PARD3: variants seen among roughly 807,000 people sequenced by gnomAD.
PARD3 encodes partitioning defective 3 homolog.
Under a neutral mutation model 155.4 loss-of-function variants are expected in PARD3, and 75 were observed. The observed-to-expected ratio is 0.48, with a 90% CI of 0.40 to 0.58. PARD3 has a LOEUF of 0.58. PARD3 is among the 20% of genes least tolerant of loss of function. The pLI is 0.00. For missense variants in PARD3, 1,642 were observed against 1,721.7 expected (o/e 0.95, Z 0.82); for synonymous variants, 576 against 610.5 (o/e 0.94, Z 0.83).
chr10:34,195,976 TTATGCAGTGCCTGGGGCACAGAATA>T (rs1351593058), intron 22 of PARD3, among the ~76,000 whole-genome samples: 4 of 152,244 alleles, frequency 2.6e-5, no homozygotes, highest in Non-Finnish European at 5.9e-5. Context: ...CGTAAAGGGC[TTATGCAGTGCCTGGGGCACAGAATA>T]TGCATTCAAG....
At chr10:34,539,849 C>A (rs1294305495) in intron 2 of PARD3, among the ~76,000 whole-genome samples, 2 of 152,226 alleles carry the variant, frequency 1.3e-5, no homozygotes, top group Non-Finnish European at 2.9e-5. Flanking sequence ...GGAGTGTGTA[C>A]ACCAAAGAAA....
At chr10:34,709,868 T>C (rs1186162771) in intron 1 of PARD3, among the ~76,000 whole-genome samples, 2 of 152,192 alleles carry the variant, frequency 1.3e-5, no homozygotes, top group Non-Finnish European at 2.9e-5. Flanking sequence ...TCAGCTACTA[T>C]TTGAGTTTTT....
At chr10:34,261,381 T>C (rs1294601134) in intron 22 of PARD3, among the ~76,000 whole-genome samples, 2 of 152,164 alleles carry the variant, frequency 1.3e-5, no homozygotes, top group African/African-American at 4.8e-5. Context: ...AAAGAAACTT[T>C]CTGGTGTCAA....
At chr10:34,338,107 CAG>C (rs1836392963) in intron 16 of PARD3, among the ~76,000 whole-genome samples, 1 of 152,202 alleles carries the variant, frequency 6.6e-6, no homozygotes, top group African/African-American at 2.4e-5. Flanking sequence ...AAGTCTGAAA[CAG>C]ATGCTGAGGA....
intron 5 of PARD3, among the ~76,000 whole-genome samples, chr10:34,436,208 G>A (rs772751236): frequency 6.6e-6 from 1 of 152,180 alleles, no homozygotes; most frequent in Non-Finnish European, 1.5e-5. Context: ...CTCTAACAGA[G>A]CAAGAAGAAC....
intron 2 of PARD3, among the ~76,000 whole-genome samples, chr10:34,678,476 A>G (rs2093753269): frequency 6.6e-6 from 1 of 152,236 alleles, no homozygotes; most frequent in African/African-American, 2.4e-5. Context: ...TTTGTTATAC[A>G]TAAAAATCAA....
intron 2 of PARD3, among the ~76,000 whole-genome samples, chr10:34,667,529 A>G (rs1382384086): frequency 6.6e-6 from 1 of 152,198 alleles, no homozygotes; most frequent in Non-Finnish European, 1.5e-5. Flanking sequence ...GAACCATAAA[A>G]ACACAATGGG....
intron 2 of PARD3, among the ~76,000 whole-genome samples, chr10:34,564,214 A>G (rs2085740767): frequency 6.6e-6 from 1 of 152,268 alleles, no homozygotes; most frequent in Admixed American, 6.5e-5. Context: ...CTCATAAAAT[A>G]TCAATTAACC....
At chr10:34,253,863 A>G (rs543084179) in intron 22 of PARD3, among the ~76,000 whole-genome samples, 1 of 152,314 alleles carries the variant, frequency 6.6e-6, no homozygotes, top group South Asian at 2.1e-4. Context: ...GTCACTCATA[A>G]GTGGGACCTT....
intron 1 of PARD3, among the ~76,000 whole-genome samples, chr10:34,777,099 C>G (rs1839683664): frequency 6.6e-6 from 1 of 151,210 alleles, no homozygotes; most frequent in Non-Finnish European, 1.5e-5. Context: ...GATCCACCCA[C>G]TTCGGCCTCC....
At chr10:34,242,268 A>T (rs1227007535) in intron 22 of PARD3, among the ~76,000 whole-genome samples, 1 of 152,156 alleles carries the variant, frequency 6.6e-6, no homozygotes, top group Non-Finnish European at 1.5e-5. Flanking sequence ...AATTGGTATG[A>T]TCATGCCTGT....
At position 34,708,275 on chromosome 10, in the gene PARD3, A is replaced by C. The variant is rs372227605; in HGVS notation, c.121-11856T>G. ...TGCACTGATCTTTAAAGGAAAAAAAAAAAAAAGTCCACTTCGTCTGATATC... is the reference window on the plus strand; with the variant it reads ...TGCACTGATCTTTAAAGGAAAAAAACAAAAAAGTCCACTTCGTCTGATATC... On this transcript the variant is annotated intron_variant, in intron 1 of 24. Transcript: ENST00000374788. Among the ~76,000 whole-genome samples the C allele has an allele frequency of 4.6e-3, 706 of 152,176 alleles. 4 individuals carry two copies. Among genetic ancestry groups the C allele is most frequent in the African/African-American group, 0.016 (665 of 41,550 alleles).
intron 1 of PARD3, among the ~76,000 whole-genome samples, chr10:34,738,687 T>C (rs1030138671): frequency 2.0e-5 from 3 of 152,198 alleles, no homozygotes; most frequent in Non-Finnish European, 4.4e-5. Context: ...CAGGCTGCAG[T>C]GAGTGAGCTG....
Position 34,664,357 on chromosome 10 carries a change from C to T in PARD3, c.222+31961G>A, listed in dbSNP as rs1162809787. Among the ~76,000 whole-genome samples, 7 of 152,146 alleles carry T rather than the reference C, an allele frequency of 4.6e-5. 1 individual carries two copies. The highest frequency in any genetic ancestry group is 4.6e-4 in the Admixed American group (7 of 15,280). ...AGCTGGGATTACAGGTGTGCACCCCCAGGCCCGGCTCATTTTTGTATTTTT... is the reference window on the plus strand; with the variant it reads ...AGCTGGGATTACAGGTGTGCACCCCTAGGCCCGGCTCATTTTTGTATTTTT... On this transcript the variant is annotated intron_variant, in intron 2 of 24. Coordinates refer to ENST00000374788, the MANE Select transcript of PARD3 (RefSeq NM_001184785.2).
At chr10:34,502,193 T>A (rs7091025) in intron 3 of PARD3, among the ~76,000 whole-genome samples, 1,654 of 152,298 alleles carry the variant, frequency 0.011, 28 homozygotes, top group African/African-American at 0.037. Context: ...GTGGGCTCAT[T>A]TGGATGATCC....
At chr10:34,240,070 C>T (rs1019934611) in intron 22 of PARD3, among the ~76,000 whole-genome samples, 10 of 152,274 alleles carry the variant, frequency 6.6e-5, no homozygotes, top group African/African-American at 1.7e-4. Flanking sequence ...GTATGACCCC[C>T]GTCTAATTCC....
At chr10:34,386,083 A>G (rs1298937573) in intron 7 of PARD3, among the ~76,000 whole-genome samples, 5 of 152,304 alleles carry the variant, frequency 3.3e-5, no homozygotes, top group African/African-American at 9.6e-5. Context: ...CATTTTTACG[A>G]TATTAGTAAG....
chr10:34,332,896 C>T (rs1345253082), intron 18 of PARD3, among the ~76,000 whole-genome samples: 1 of 151,952 alleles, frequency 6.6e-6, no homozygotes, highest in African/African-American at 2.4e-5. Flanking sequence ...AAAGTCATGT[C>T]ATGGGAAGAA....
chr10:34,276,945 AGTTT>A lies in PARD3; in HGVS notation c.3177-7050_3177-7047del, dbSNP rs1955913794. Among the ~76,000 whole-genome samples the A allele has an allele frequency of 2.6e-5, 4 of 152,306 alleles. No homozygotes were observed. In the South Asian group the frequency reaches 6.2e-4, roughly 24 times the overall value. Reference sequence around the variant, plus strand: ...GCAGAAGATAGAATATACTAATATTAGTTTAACAGAAAAAATGTTTTTAATAAAT... The same window carrying A: ...GCAGAAGATAGAATATACTAATATTAAACAGAAAAAATGTTTTTAATAAAT... On this transcript the variant is annotated intron_variant, in intron 21 of 24. Transcript: ENST00000374788.
Sources: allele counts gnomAD v4.1 joint callset (sites outside exome capture counted in the v4.1 genomes callset), GRCh38; gene constraint gnomAD v4.1.1; transcripts MANE v1.5; gene names NCBI Gene and HGNC (gene_info 2026-07-23, HGNC 2026-07-21).